Variants in AK6 observed in about 807,000 individuals in gnomAD.
AK6 encodes the protein adenylate kinase 6.
In AK6, 24 loss-of-function variants were observed where a neutral mutation model predicts 23.7. The ratio of observed to expected loss-of-function variants is 1.01; its 90% CI spans 0.73 to 1.43. The LOEUF is 1.43. Ranked by LOEUF, AK6 falls within the 40% of genes most tolerant of loss-of-function variation. The pLI, the probability that AK6 is intolerant of heterozygous loss-of-function variation, is 0.00. For synonymous variants in AK6, 73 were observed against 69.8 expected (o/e 1.05, Z -0.23); for missense variants, 191 against 199.1 (o/e 0.96, Z 0.24).
In AK6 at chr5:69,351,744, T is replaced by C. The variant is rs997512049; in HGVS notation, c.*317A>G. On this transcript the variant is annotated 3_prime_UTR_variant, in exon 5 of 5. Transcript: ENST00000380822. Reference sequence around the variant, plus strand: ...TACTCTGTTGCTTTATCTTTAGTTTTATTTTAAGAGATCATCTGCATTTTT... The same window carrying C: ...TACTCTGTTGCTTTATCTTTAGTTTCATTTTAAGAGATCATCTGCATTTTT... 4.2e-5 allele frequency: 9 copies of C among 212,524 alleles called. No individual in the cohort carries two copies. Among genetic ancestry groups the C allele is most frequent in the Non-Finnish European group, 8.2e-5 (9 of 109,184 alleles). The allele number at this position is 212,524 out of a possible 1,614,324, so 13.2% of individuals were successfully genotyped here.
upstream of AK6, chr5:69,369,709 G>A (rs1427926433): frequency 1.9e-6 from 3 of 1,551,608 alleles, no homozygotes; most frequent in Non-Finnish European, 2.6e-6. Flanking sequence ...GGCATAACTC[G>A]GGTCGGTACT....
At chr5:69,353,238 G>T (rs949318252) in intron 4 of AK6, among the ~76,000 whole-genome samples, 5 of 152,088 alleles carry the variant, frequency 3.3e-5, no homozygotes, top group South Asian at 2.1e-4. Context: ...CCTAGGGCTG[G>T]GGAACTGAGG....
At chr5:69,365,027 G>A (rs757925204) in intron 2 of AK6, 3 of 1,613,842 alleles carry the variant, frequency 1.9e-6, no homozygotes, top group South Asian at 2.2e-5. Flanking sequence ...ATGATTCATT[G>A]GCAGTATTTT....
intron 1 of AK6, 84 bp from the exon 2 acceptor site, chr5:69,366,679 T>C (rs2150740475): frequency 9.6e-7 from 1 of 1,043,254 alleles, no homozygotes; most frequent in Middle Eastern, 2.1e-4. Flanking sequence ...CCTTTTATTT[T>C]TGAGACAGAG....
Position 69,366,806 on chromosome 5 carries a change from T to A in AK6, c.29-211A>T, listed in dbSNP as rs1289089970. On this transcript the variant is annotated intron_variant, in intron 1 of 4. Transcript: ENST00000380822. Reference sequence around the variant, plus strand: ...AGAGTTTCACTCTTGTCGCCCAGGCTGGAGTGCAGTGGCACAATCTTGGCT... The same window carrying A: ...AGAGTTTCACTCTTGTCGCCCAGGCAGGAGTGCAGTGGCACAATCTTGGCT... 9.4e-6 allele frequency: 5 copies of A among 529,452 alleles called. No homozygotes were observed. In the East Asian group the frequency reaches 1.6e-4, roughly 17 times the overall value. The allele number at this position is 529,452 out of a possible 1,614,324, so 32.8% of individuals were successfully genotyped here.
chr5:69,359,083 G>GA (rs760198029), intron 2 of AK6, among the ~76,000 whole-genome samples: 158 of 138,240 alleles, frequency 1.1e-3, no homozygotes, highest in Middle Eastern at 0.011. Flanking sequence ...ACTACCAAAA[G>GA]AAAAAAAAAA....
At chr5:69,361,253 C>T (rs926985019) in intron 2 of AK6, among the ~76,000 whole-genome samples, 3 of 151,934 alleles carry the variant, frequency 2.0e-5, no homozygotes, top group African/African-American at 7.3e-5. Flanking sequence ...TCCCAAGTAG[C>T]TGGGACCACA....
chr5:69,366,102 AG>A (rs2150739653), intron 2 of AK6, among the ~76,000 whole-genome samples: 1 of 152,346 alleles, frequency 6.6e-6, no homozygotes, highest in South Asian at 2.1e-4. Flanking sequence ...ACCATAGCAT[AG>A]TCAGGTCCCA....
chr5:69,368,951 C>T (rs4252219), intron 1 of AK6: 1 of 155,972 alleles, frequency 6.4e-6, no homozygotes, highest in African/African-American at 2.4e-5. Context: ...AATTTCGTCA[C>T]GTCACAAACA....
chr5:69,354,994 AT>A (rs200110539), intron 4 of AK6, among the ~76,000 whole-genome samples: 1 of 151,424 alleles, frequency 6.6e-6, no homozygotes, highest in Non-Finnish European at 1.5e-5. Context: ...TGCCCGGCTA[AT>A]TTTTTTTGCA....
chr5:69,368,165 A>G (rs1222419525), intron 1 of AK6, among the ~76,000 whole-genome samples: 2 of 152,176 alleles, frequency 1.3e-5, no homozygotes, highest in African/African-American at 4.8e-5. Context: ...ATGTACATAT[A>G]TGTACATACT....
chr5:69,369,406 A>G, intron 1 of AK6, 57 bp downstream of exon 1: 1 of 1,593,100 alleles, frequency 6.3e-7, no homozygotes. Context: ...CGATGCCCAG[A>G]GCACTCTGCG....
rs544536973 is a variant in AK6, at chr5:69,355,513, A to G, written c.326+136T>C. On this transcript the variant is annotated intron_variant, in intron 4 of 4. Transcript: ENST00000380822. ...ACCACTGCCCTCCAGCCTGGGTGAC[A>G]GCGAGACTCTATCTCAAAAAAACAA... The G allele has an allele frequency of 6.5e-5, 60 of 922,416 alleles. No homozygotes were observed. In the South Asian group the frequency reaches 1.0e-3, roughly 16 times the overall value. 57.1% of individuals were successfully genotyped at this position (922,416 alleles called of 1,614,324 possible).
intron 2 of AK6, among the ~76,000 whole-genome samples, chr5:69,364,159 C>T (rs1201294081): frequency 6.6e-6 from 1 of 151,460 alleles, no homozygotes; most frequent in African/African-American, 2.4e-5. Flanking sequence ...GTTTTAGAAA[C>T]TATAACCTTG....
In AK6 at chr5:69,365,506, G is replaced by A. The variant is rs776144481; in HGVS notation, c.121+997C>T. 10 of 1,613,786 alleles carry A rather than the reference G, an allele frequency of 6.2e-6. No homozygotes were observed. The highest frequency in any genetic ancestry group is 2.7e-5 in the African/African-American group (2 of 74,920). ...GGAGAGGTAAAAGACTGATCAGCGC[G>A]GCACTGGATTGCCAATCGCACATCA... is the stretch of plus-strand genomic sequence containing the variant. On this transcript the variant is annotated intron_variant, in intron 2 of 4. Coordinates refer to ENST00000380822, the MANE Select transcript of AK6 (RefSeq NM_016283.5).
intron 1 of AK6, 138 bp downstream of exon 1, chr5:69,369,325 G>C: frequency 1.2e-6 from 1 of 823,652 alleles, no homozygotes; most frequent in East Asian, 4.1e-5. Context: ...GGCTCCCGGG[G>C]CGCTGACAAC....
intron 2 of AK6, chr5:69,364,681 T>C (rs1762340755): frequency 5.4e-6 from 3 of 556,726 alleles, no homozygotes; most frequent in Non-Finnish European, 6.4e-6. Context: ...CAACTGTTAC[T>C]CCTCTTGGTG....
At chr5:69,369,533 T>C, upstream of AK6, 1 of 1,611,150 alleles carries the variant, frequency 6.2e-7, no homozygotes, top group Middle Eastern at 1.8e-4. Context: ...TCACGTGCCC[T>C]TTGCTCTACA....
At chr5:69,369,381 C>T in intron 1 of AK6, 82 bp downstream of exon 1, 2 of 1,522,054 alleles carry the variant, frequency 1.3e-6, no homozygotes, top group East Asian at 2.4e-5. Flanking sequence ...AGTGAGGGGC[C>T]CCCACCTGGG....
Sources: gnomAD v4.1 joint callset for allele counts (sites outside exome capture counted in the v4.1 genomes callset) on GRCh38, gnomAD v4.1.1 for gene constraint, MANE v1.5 for transcripts, NCBI Gene and HGNC (gene_info 2026-07-23, HGNC 2026-07-21) for gene names.